The following PTPRN2 variants were observed in gnomAD, a reference collection of about 807,000 sequenced individuals.
PTPRN2 encodes the protein protein tyrosine phosphatase receptor type N2, also known as receptor-type tyrosine-protein phosphatase N2.
PTPRN2 carries 74 observed loss-of-function variants against 118.8 expected under a neutral mutation model. The observed-to-expected ratio is 0.62, with a 90% confidence interval of 0.52 to 0.76. The LOEUF (loss-of-function observed/expected upper bound fraction) is 0.76. Ranked by LOEUF, PTPRN2 falls within the 30% of genes least tolerant of loss-of-function variation. PTPRN2 has a pLI of 0.00. For missense variants in PTPRN2, 1,481 were observed against 1,394.4 expected (o/e 1.06, Z -0.99); for synonymous variants, 641 against 608.0 (o/e 1.05, Z -0.80).
At chr7:158,387,111 C>T (rs931650335) in intron 2 of PTPRN2, among the ~76,000 whole-genome samples, 5 of 152,214 alleles carry the variant, frequency 3.3e-5, no homozygotes, top group Non-Finnish European at 5.9e-5. Flanking sequence ...GCCTCTGAGG[C>T]CAAACCGGGA....
At position 157,651,943 on chromosome 7, in the gene PTPRN2, C is replaced by T. The variant is rs575295279; in HGVS notation, c.2196+4414G>A. Among the ~76,000 whole-genome samples, 7 of 152,324 alleles carry T rather than the reference C, an allele frequency of 4.6e-5. No homozygotes were observed. The East Asian group carries it at 5.8e-4, about 13-fold the overall frequency. ...GCTCCATTCACCCGCAGGTGAGCCT[C>T]GACTCAGCTTCTTCCAGACAGTCCA... On this transcript the variant is annotated intron_variant, in intron 14 of 22. Transcript: ENST00000389418.
At chr7:158,134,708 C>A (rs1316155727) in intron 8 of PTPRN2, among the ~76,000 whole-genome samples, 3 of 152,160 alleles carry the variant, frequency 2.0e-5, no homozygotes, top group Non-Finnish European at 4.4e-5. Context: ...AGTCTCCCAG[C>A]CGGATCCCCT....
chr7:157,667,991 C>G (rs1796227870), intron 13 of PTPRN2, among the ~76,000 whole-genome samples: 1 of 152,224 alleles, frequency 6.6e-6, no homozygotes, highest in African/African-American at 2.4e-5. Context: ...ACCCAGAGCC[C>G]CCACCCTGAA....
chr7:157,702,943 G>T (rs1481230785), intron 12 of PTPRN2, among the ~76,000 whole-genome samples: 1 of 152,196 alleles, frequency 6.6e-6, no homozygotes, highest in African/African-American at 2.4e-5. Context: ...AGCTGCTGCT[G>T]TTGGAGACCG....
At chr7:157,548,814 G>A (rs1164149537) in intron 22 of PTPRN2, 132 bp downstream of exon 22, 9 of 924,258 alleles carry the variant, frequency 9.7e-6, no homozygotes, top group Admixed American at 2.1e-5. Flanking sequence ...CGGCATGGAC[G>A]AGGCCGGTCA....
At chr7:158,383,760 A>G (rs1811126973) in intron 2 of PTPRN2, among the ~76,000 whole-genome samples, 1 of 152,366 alleles carries the variant, frequency 6.6e-6, no homozygotes, top group Non-Finnish European at 1.5e-5. Context: ...ACTAGAGCCC[A>G]CCTGCTCAGG....
intron 4 of PTPRN2, among the ~76,000 whole-genome samples, chr7:158,197,437 T>C (rs1161698684): frequency 6.6e-6 from 1 of 152,204 alleles, no homozygotes; most frequent in Non-Finnish European, 1.5e-5. Context: ...AGGATGTTGA[T>C]TTTCAAGAAC....
At chr7:158,274,780 G>T (rs1427345577) in intron 3 of PTPRN2, among the ~76,000 whole-genome samples, 1 of 152,202 alleles carries the variant, frequency 6.6e-6, no homozygotes, top group Admixed American at 6.5e-5. Flanking sequence ...CACACACAGG[G>T]AGCCTGACTG....
At chr7:157,982,294 G>A (rs1446114853) in intron 11 of PTPRN2, among the ~76,000 whole-genome samples, 1 of 45,130 alleles carries the variant, frequency 2.2e-5, no homozygotes, top group African/African-American at 7.9e-5. Flanking sequence ...CAGAGTGCAG[G>A]GTCCCCCCAA....
At chr7:158,489,263 T>C (rs1232148122) in intron 2 of PTPRN2, among the ~76,000 whole-genome samples, 1 of 152,026 alleles carries the variant, frequency 6.6e-6, no homozygotes, top group African/African-American at 2.4e-5. Context: ...CTGGCCAACA[T>C]GGTGAAACCC....
At chr7:158,236,163 C>G (rs1829525072) in intron 3 of PTPRN2, among the ~76,000 whole-genome samples, 1 of 152,200 alleles carries the variant, frequency 6.6e-6, no homozygotes, top group Admixed American at 6.5e-5. Flanking sequence ...TGGCCGTCAT[C>G]TCTGGTCATC....
intron 11 of PTPRN2, among the ~76,000 whole-genome samples, chr7:158,012,281 G>A (rs912519351): frequency 8.6e-5 from 13 of 151,698 alleles, no homozygotes; most frequent in African/African-American, 2.4e-4. Context: ...GGGAACTGCC[G>A]GGGGCTGATA....
chr7:158,297,342 T>A lies in PTPRN2; in HGVS notation c.277+19477A>T, dbSNP rs1419700774. Among the ~76,000 whole-genome samples, 4 of 152,210 alleles carry A rather than the reference T, an allele frequency of 2.6e-5. No individual in the cohort carries two copies. The East Asian group carries it at 7.7e-4, about 29-fold the overall frequency. On this transcript the variant is annotated intron_variant, in intron 3 of 22. Transcript: ENST00000389418. ...GAAATGTACCAGAGAAACTCTCTGT[T>A]CAAAGGGATCTGCCAGAAACCCTTT...
At chr7:157,913,648 ATTTT>A (rs965542560) in intron 11 of PTPRN2, among the ~76,000 whole-genome samples, 6 of 152,160 alleles carry the variant, frequency 3.9e-5, no homozygotes, top group African/African-American at 1.2e-4. Context: ...TGAGATAATA[ATTTT>A]TTTCTCTTTT....
intron 12 of PTPRN2, among the ~76,000 whole-genome samples, chr7:157,889,783 C>T (rs1283420619): frequency 2.0e-5 from 3 of 152,356 alleles, no homozygotes; most frequent in African/African-American, 7.2e-5. Flanking sequence ...GGCTACGCTT[C>T]CCAGCTGGTC....
intron 12 of PTPRN2, among the ~76,000 whole-genome samples, chr7:157,793,073 C>T (rs1196482516): frequency 6.6e-6 from 1 of 152,018 alleles, no homozygotes; most frequent in Non-Finnish European, 1.5e-5. Flanking sequence ...GACCCCTCTA[C>T]AATGCGCTGT....
At chr7:158,505,708 C>T (rs994925631) in intron 1 of PTPRN2, among the ~76,000 whole-genome samples, 28 of 107,614 alleles carry the variant, frequency 2.6e-4, no homozygotes, top group Admixed American at 4.7e-4. Flanking sequence ...TAGGAGGGAA[C>T]GGAGGAGCCG....
At chr7:157,981,956 G>A (rs1314350353) in intron 11 of PTPRN2, among the ~76,000 whole-genome samples, 1 of 151,932 alleles carries the variant, frequency 6.6e-6, no homozygotes, top group Non-Finnish European at 1.5e-5. Context: ...AAGATGAGGA[G>A]GGGAATGCAG....
rs115661477 is a variant in PTPRN2 at position 157,787,917 on chromosome 7, C to T, written c.1789-104980G>A. On this transcript the variant is annotated intron_variant, in intron 12 of 22. Transcript: ENST00000389418. The surrounding 1 kb of genome is among the most constrained non-coding windows in gnomAD (Gnocchi z 5.3). ...GCTGGCAACATCGACGTCCCCAAGA[C>T]ACTGACAGGCCTGGAGGTCTGGACA... Among the ~76,000 whole-genome samples the T allele has an allele frequency of 2.0e-4, 31 of 152,278 alleles. No individual in the cohort carries two copies. The highest frequency in any genetic ancestry group is 6.8e-3 in the Middle Eastern group (2 of 294).
Sources: gnomAD v4.1 joint callset for allele counts (sites outside exome capture counted in the v4.1 genomes callset) on GRCh38, gnomAD v4.1.1 for gene constraint, Gnocchi (gnomAD v3.1) non-coding constraint, MANE v1.5 for transcripts, NCBI Gene and HGNC (gene_info 2026-07-23, HGNC 2026-07-21) for gene names.